Variants in NFIA observed in about 807,000 individuals in gnomAD.
The protein encoded by NFIA is nuclear factor 1 A-type.
A neutral mutation model predicts 62.8 loss-of-function variants in NFIA; 8 were observed. The observed-to-expected ratio is 0.13, with a 90% CI of 0.07 to 0.23. The LOEUF (loss-of-function observed/expected upper bound fraction) is 0.23, where lower values mean the gene tolerates loss of function less well. Among genes scored for constraint, NFIA ranks in the 10% least tolerant of loss-of-function variants. The pLI is 1.00. For missense variants in NFIA, 410 were observed against 642.1 expected, an observed-to-expected ratio of 0.64 and a Z score of 3.91; for synonymous variants, 235 against 238.1, an observed-to-expected ratio of 0.99 and a Z score of 0.12.
At chr1:61,213,639 C>G (rs1653404741) in intron 2 of NFIA, among the ~76,000 whole-genome samples, 1 of 152,148 alleles carries the variant, frequency 6.6e-6, no homozygotes, top group African/African-American at 2.4e-5. Flanking sequence ...ATACTGTATG[C>G]AGAGTATTTA....
chr1:61,144,436 G>T lies in NFIA; in HGVS notation c.559+55756G>T, dbSNP rs755695908. ...TGTGTGTGTACATGTGAGTGTTGGGGTCTTACCTTATAACGGCATTTAGTG... is the reference window on the plus strand; with the variant it reads ...TGTGTGTGTACATGTGAGTGTTGGGTTCTTACCTTATAACGGCATTTAGTG... On this transcript the variant is annotated intron_variant, in intron 2 of 10. Coordinates refer to ENST00000403491, the MANE Select transcript of NFIA (RefSeq NM_001134673.4). Among the ~76,000 whole-genome samples, 3 of 152,266 alleles carry T rather than the reference G, an allele frequency of 2.0e-5. 1 individual carries two copies. The highest frequency in any genetic ancestry group is 2.4e-5 in the African/African-American group (1 of 41,542).
intron 10 of NFIA, among the ~76,000 whole-genome samples, chr1:61,430,195 T>C (rs1667041446): frequency 6.6e-6 from 1 of 152,082 alleles, no homozygotes; most frequent in African/African-American, 2.4e-5. Context: ...GGACTGTTGA[T>C]CAGAGTAATT....
chr1:61,371,979 G>A (rs1033634570), intron 6 of NFIA, among the ~76,000 whole-genome samples: 36 of 152,080 alleles, frequency 2.4e-4, no homozygotes, highest in Middle Eastern at 3.2e-3. Context: ...CTAGCAACCC[G>A]TTCTGATTGG....
intron 4 of NFIA, among the ~76,000 whole-genome samples, chr1:61,334,163 T>C (rs2100395957): frequency 6.6e-6 from 1 of 152,226 alleles, no homozygotes; most frequent in African/African-American, 2.4e-5. Flanking sequence ...GGGTTAGAAT[T>C]GTGGGAGTCA....
At chr1:61,183,892 G>T (rs921781877) in intron 2 of NFIA, among the ~76,000 whole-genome samples, 3 of 151,812 alleles carry the variant, frequency 2.0e-5, no homozygotes, top group Non-Finnish European at 4.4e-5. Context: ...TCTCCAAAAC[G>T]TACACGTGCG....
chr1:61,243,810 C>T (rs1253408906), intron 2 of NFIA, among the ~76,000 whole-genome samples: 1 of 152,096 alleles, frequency 6.6e-6, no homozygotes, highest in Non-Finnish European at 1.5e-5. Context: ...ACCATTCTTG[C>T]TTATATGAAA....
At chr1:61,162,903 A>G (rs1053409340) in intron 2 of NFIA, among the ~76,000 whole-genome samples, 4 of 151,956 alleles carry the variant, frequency 2.6e-5, no homozygotes, top group African/African-American at 9.7e-5. Flanking sequence ...AAATATTTAT[A>G]CCTTAAAGAT....
At chr1:61,451,935 T>C (rs776132385) in intron 10 of NFIA, among the ~76,000 whole-genome samples, 4 of 152,242 alleles carry the variant, frequency 2.6e-5, no homozygotes, top group African/African-American at 4.8e-5. Flanking sequence ...TCCCAGTGAT[T>C]TGCTGCTCAA....
At chr1:61,122,424 G>A (rs1646902338) in intron 2 of NFIA, among the ~76,000 whole-genome samples, 1 of 152,174 alleles carries the variant, frequency 6.6e-6, no homozygotes, top group Non-Finnish European at 1.5e-5. Context: ...AGTTTGCACG[G>A]TGTTGCTGAG....
chr1:61,271,137 T>C (rs1321106789), intron 2 of NFIA, among the ~76,000 whole-genome samples: 11 of 152,236 alleles, frequency 7.2e-5, no homozygotes, highest in Non-Finnish European at 8.8e-5. Flanking sequence ...ACTGAATTTG[T>C]CATTTTTAAA....
chr1:61,163,143 T>C lies in NFIA; in HGVS notation c.559+74463T>C, dbSNP rs548709936. 1.5e-3 allele frequency among the ~76,000 whole-genome samples: 232 copies of C among 152,296 alleles called. 1 individual carries two copies. Among genetic ancestry groups the C allele is most frequent in the Non-Finnish European group, 1.6e-3 (111 of 68,020 alleles). On this transcript the variant is annotated intron_variant, in intron 2 of 10. Coordinates refer to ENST00000403491, the MANE Select transcript of NFIA (RefSeq NM_001134673.4). ...AATCCTATACCGGAATAAAGACTTA[T>C]ACTAATGGGCATTAAAGATCAAATA...
intron 2 of NFIA, among the ~76,000 whole-genome samples, chr1:61,258,498 G>A (rs2100232064): frequency 1.3e-5 from 2 of 152,228 alleles, no homozygotes; most frequent in Admixed American, 1.3e-4. Flanking sequence ...CAGCAGACCT[G>A]TAGACACACT....
chr1:61,299,346 A>C (rs1455058133), intron 3 of NFIA, among the ~76,000 whole-genome samples: 1 of 152,158 alleles, frequency 6.6e-6, no homozygotes, highest in Non-Finnish European at 1.5e-5. Context: ...TGAAATCTTG[A>C]TCTGGGTCTG....
intron 5 of NFIA, among the ~76,000 whole-genome samples, chr1:61,358,252 C>A (rs1569596273): frequency 1.3e-5 from 2 of 151,714 alleles, no homozygotes; most frequent in South Asian, 2.1e-4. Context: ...GTATTTAGAG[C>A]AGGACCTGGA....
chr1:61,137,256 A>G (rs1468977132), intron 2 of NFIA, among the ~76,000 whole-genome samples: 5 of 152,168 alleles, frequency 3.3e-5, no homozygotes, highest in Non-Finnish European at 4.4e-5. Flanking sequence ...CATCCTGTAT[A>G]CCTTACCATC....
In NFIA at chr1:61,444,677, T is replaced by G. The variant is rs1667729421; in HGVS notation, c.1513-10626T>G. Among the ~76,000 whole-genome samples, 3 of 152,216 alleles carry G rather than the reference T, an allele frequency of 2.0e-5. No homozygotes were observed. The South Asian group carries it at 6.2e-4, about 32-fold the overall frequency. On this transcript the variant is annotated intron_variant, in intron 10 of 10. Transcript: ENST00000403491. ...AAACTATCTTAAAGTATTTCTTAAT[T>G]GAACTGTCTTCTAGAATAGCACAAA...
upstream of NFIA, among the ~76,000 whole-genome samples, chr1:61,079,403 C>T (rs944666695): frequency 2.0e-5 from 3 of 152,080 alleles, no homozygotes; most frequent in Admixed American, 1.3e-4. Context: ...ACCTTATTGA[C>T]GTAATTTATA....
intron 3 of NFIA, among the ~76,000 whole-genome samples, chr1:61,325,006 C>G (rs923011118): frequency 2.6e-5 from 4 of 152,174 alleles, no homozygotes; most frequent in African/African-American, 9.7e-5. Context: ...GGATCTGCTC[C>G]TCATTTCAAT....
At position 61,455,461 on chromosome 1, in the gene NFIA, C is replaced by A; in HGVS notation, c.*141C>A. The A allele has an allele frequency of 1.5e-6, 2 of 1,363,984 alleles. No individual in the cohort carries two copies. Among genetic ancestry groups the A allele is most frequent in the Non-Finnish European group, 2.1e-6 (2 of 968,762 alleles). 84.5% of individuals were successfully genotyped at this position (1,363,984 alleles called of 1,614,324 possible). A position where few individuals can be genotyped will look rare whatever the true frequency, so the allele number is the denominator to read the frequency against. ...AAAAACCGATTCAAATCAACTTGTA[C>A]ATGGAAACAGCAAGCATTATGGTCA... is the stretch of plus-strand genomic sequence containing the variant. On this transcript the variant is annotated 3_prime_UTR_variant, in exon 11 of 11. Transcript: ENST00000403491.
Sources: gnomAD v4.1 joint callset for allele counts (sites outside exome capture counted in the v4.1 genomes callset) on GRCh38, gnomAD v4.1.1 for gene constraint, MANE v1.5 for transcripts, NCBI Gene and HGNC (gene_info 2026-07-23, HGNC 2026-07-21) for gene names.